Variants in RANBP2 observed in about 807,000 individuals in gnomAD.
RANBP2 encodes the protein E3 SUMO-protein ligase RanBP2.
A neutral mutation model predicts 303.6 loss-of-function variants in RANBP2; 57 were observed. That is an observed-to-expected ratio of 0.19 (90% confidence interval 0.15 to 0.23). The LOEUF (loss-of-function observed/expected upper bound fraction) is 0.23. Ranked by LOEUF, RANBP2 falls within the 10% of genes least tolerant of loss-of-function variation. The pLI is 1.00. For missense variants in RANBP2, 3,138 were observed against 3,780.8 expected (o/e 0.83, Z 4.46); for synonymous variants, 1,167 against 1,301.5 (o/e 0.90, Z 2.23).
chr2:109,347,707 T>C, the RANBP2 span: 302 of 1,613,866 alleles, frequency 1.9e-4, no homozygotes, highest in African/African-American at 3.7e-3. Context: ...CAAGGCCCTC[T>C]ACAGCTACGA....
chr2:109,725,445 C>T, the RANBP2 span, among the ~76,000 whole-genome samples: 54 of 152,180 alleles, frequency 3.5e-4, no homozygotes, highest in Non-Finnish European at 2.8e-4. Flanking sequence ...ATCCAAATTG[C>T]ACTTCACCAT....
the RANBP2 span, among the ~76,000 whole-genome samples, chr2:109,196,718 C>T: frequency 6.6e-6 from 1 of 152,144 alleles, no homozygotes; most frequent in Non-Finnish European, 1.5e-5. Context: ...TGTGCCTCCT[C>T]CCGGAGGAGG....
the RANBP2 span, among the ~76,000 whole-genome samples, chr2:109,075,511 C>T: frequency 5.7e-3 from 838 of 147,720 alleles, 13 homozygotes; most frequent in African/African-American, 0.019. Flanking sequence ...TAGGCATGAG[C>T]CACCGTGCCT....
chr2:109,229,344 A>T, the RANBP2 span, among the ~76,000 whole-genome samples: 1 of 152,174 alleles, frequency 6.6e-6, no homozygotes, highest in Non-Finnish European at 1.5e-5. Context: ...GGTACTTTTC[A>T]TACATTAACA....
the RANBP2 span, among the ~76,000 whole-genome samples, chr2:109,522,510 T>C: frequency 1.3e-5 from 2 of 152,114 alleles, no homozygotes; most frequent in African/African-American, 4.8e-5. Context: ...TTGGCCAGGC[T>C]GGTCTAGAAC....
the RANBP2 span, among the ~76,000 whole-genome samples, chr2:109,599,650 T>G: frequency 6.6e-6 from 1 of 151,948 alleles, no homozygotes; most frequent in African/African-American, 2.4e-5. Context: ...AACAAATACA[T>G]CAAAAGTTAA....
chr2:109,110,066 C>T, the RANBP2 span, among the ~76,000 whole-genome samples: 1 of 152,178 alleles, frequency 6.6e-6, no homozygotes, highest in African/African-American at 2.4e-5. Context: ...CACTTGCTCA[C>T]TTAATCTCCA....
the RANBP2 span, among the ~76,000 whole-genome samples, chr2:109,257,271 A>G: frequency 6.6e-6 from 1 of 152,082 alleles, no homozygotes. Flanking sequence ...CAGGAGGTAC[A>G]AAGTCAGCTG....
chr2:108,764,935 A>G lies in RANBP2; in HGVS notation c.4396A>G (p.Lys1466Glu), dbSNP rs1272265352. 1 of 1,614,062 alleles carries G rather than the reference A, an allele frequency of 6.2e-7. No homozygotes were observed. The highest frequency in any genetic ancestry group is 1.7e-5 in the Admixed American group (1 of 59,974). Residue 1466 changes from lysine (K) to glutamate (E), a missense_variant, in exon 20 of 29, where the codon AAA becomes GAA. Lys to Glu is a moderately conservative substitution (Grantham distance 56, BLOSUM62 1). This residue lies in a region of RANBP2 where 388 missense variants were observed against 328.5 expected (regional missense o/e 1.18). Coordinates refer to ENST00000283195, the MANE Select transcript of RANBP2 (RefSeq NM_006267.5). ...SFKFGQGDLP[K>E]PINSDFRSVF... ...TAAATTTGGCCAGGGAGATCTTCCT[A>G]AACCTATTAACAGTGATTTCAGATC...
chr2:109,170,331 T>C, the RANBP2 span, among the ~76,000 whole-genome samples: 18 of 144,544 alleles, frequency 1.2e-4, no homozygotes, highest in African/African-American at 4.7e-4. Flanking sequence ...CTCTCTCTCC[T>C]CTCTCTCTCT....
chr2:109,490,600 C>T, the RANBP2 span: 4 of 1,430,764 alleles, frequency 2.8e-6, no homozygotes, highest in Non-Finnish European at 3.7e-6. Flanking sequence ...TGTGTGTCTC[C>T]CCAGAAAGAG....
the RANBP2 span, among the ~76,000 whole-genome samples, chr2:109,366,774 G>A: frequency 4.6e-5 from 7 of 152,268 alleles, no homozygotes; most frequent in East Asian, 7.7e-4. Context: ...GACCACTTGC[G>A]CCTGGAAAGT....
the RANBP2 span, among the ~76,000 whole-genome samples, chr2:109,726,264 G>A: frequency 6.6e-6 from 1 of 151,748 alleles, no homozygotes; most frequent in Non-Finnish European, 1.5e-5. Context: ...CAAGAGTAGC[G>A]GGGTGTGGTG....
chr2:109,327,938 G>A, the RANBP2 span, among the ~76,000 whole-genome samples: 1 of 152,104 alleles, frequency 6.6e-6, no homozygotes, highest in Non-Finnish European at 1.5e-5. Flanking sequence ...AATCATGGAG[G>A]GTCTAGGACA....
At chr2:109,345,471 AG>A in the RANBP2 span, among the ~76,000 whole-genome samples, 2 of 152,278 alleles carry the variant, frequency 1.3e-5, no homozygotes, top group South Asian at 4.1e-4. Flanking sequence ...CCGAGTCTGT[AG>A]CTCTTATAAC....
chr2:108,721,969 C>G (rs1176485184), intron 1 of RANBP2, among the ~76,000 whole-genome samples: 1 of 151,454 alleles, frequency 6.6e-6, no homozygotes, highest in East Asian at 1.9e-4. Flanking sequence ...AACTCCTGGG[C>G]TCAAGTGATC....
At chr2:109,452,618 C>T in the RANBP2 span, among the ~76,000 whole-genome samples, 3 of 152,162 alleles carry the variant, frequency 2.0e-5, no homozygotes, top group African/African-American at 7.2e-5. Context: ...GGGAGATTTA[C>T]GCGCCATATC....
Position 108,719,585 on chromosome 2 carries a change from CG to C in RANBP2, c.-19del, listed in dbSNP as rs755694912. ...GCCTGAGCGCTGGTCTCACGCGCCT[CG>C]GGAGCCAGGTTGGCGGCGCGATGAG... On this transcript the variant is annotated 5_prime_UTR_variant, in exon 1 of 29. Transcript: ENST00000283195. 1.1e-5 allele frequency: 17 copies of C among 1,597,238 alleles called. No homozygotes were observed. Among genetic ancestry groups the C allele is most frequent in the Non-Finnish European group, 1.4e-5 (17 of 1,173,778 alleles).
At chr2:109,046,453 C>T in the RANBP2 span, among the ~76,000 whole-genome samples, 1 of 143,406 alleles carries the variant, frequency 7.0e-6, no homozygotes, top group East Asian at 2.1e-4. Flanking sequence ...GTTGCCCAGG[C>T]TGGAGTGCAA....
Sources: gnomAD v4.1 joint callset for allele counts (sites outside exome capture counted in the v4.1 genomes callset) on GRCh38, gnomAD v4.1.1 for gene constraint, gnomAD v4.1.1 regional missense constraint, MANE v1.5 for transcripts, NCBI Gene and HGNC (gene_info 2026-07-23, HGNC 2026-07-21) for gene names.